Variants in FER observed in about 807,000 individuals in gnomAD.
FER encodes the protein FER tyrosine kinase, also known as tyrosine-protein kinase Fer.
Under a neutral mutation model 111.0 loss-of-function variants are expected in FER, and 63 were observed. That is an observed-to-expected ratio of 0.57 (90% CI 0.46 to 0.70). The LOEUF (loss-of-function observed/expected upper bound fraction) is 0.70, where lower values mean the gene tolerates loss of function less well. Among genes scored for constraint, FER ranks in the 30% least tolerant of loss-of-function variants. The pLI, the probability that FER is intolerant of heterozygous loss-of-function variation, is 0.00. For missense variants in FER, 914 were observed against 954.0 expected, an observed-to-expected ratio of 0.96 and a Z score of 0.55; for synonymous variants, 327 against 313.9, an observed-to-expected ratio of 1.04 and a Z score of -0.44.
intron 10 of FER, among the ~76,000 whole-genome samples, chr5:108,919,551 A>C (rs1204233268): frequency 6.6e-6 from 1 of 152,214 alleles, no homozygotes. Flanking sequence ...ACTTACTAAA[A>C]GAACTAATCC....
intron 2 of FER, among the ~76,000 whole-genome samples, chr5:108,783,572 A>G (rs952203193): frequency 2.0e-5 from 3 of 152,280 alleles, no homozygotes; most frequent in Middle Eastern, 6.8e-3. Context: ...TCTGAGGGCT[A>G]GTTCAACCTT....
rs548382595 is a variant in FER at position 108,993,401 on chromosome 5, T to C, written c.1656+34054T>C. Among the ~76,000 whole-genome samples, 1,317 of 151,518 alleles carry C rather than the reference T, an allele frequency of 8.7e-3. 18 individuals carry two copies. Among genetic ancestry groups the C allele is most frequent in the African/African-American group, 0.031 (1,247 of 40,854 alleles). On this transcript the variant is annotated intron_variant, in intron 13 of 19. Transcript: ENST00000281092. ...AAAAAATACGAAAACCAGTCAGGCG[T>C]GGCCGCGCGCGCCTGCAATCGCAGG...
At chr5:109,063,679 T>C (rs896646161) in intron 16 of FER, among the ~76,000 whole-genome samples, 7 of 152,176 alleles carry the variant, frequency 4.6e-5, no homozygotes, top group Admixed American at 2.0e-4. Context: ...TTTTAAGATA[T>C]AGCAACTCAG....
At chr5:109,096,880 C>G (rs564832635) in intron 16 of FER, among the ~76,000 whole-genome samples, 2 of 150,990 alleles carry the variant, frequency 1.3e-5, no homozygotes, top group Non-Finnish European at 3.0e-5. Flanking sequence ...CTACTACAAC[C>G]CTTTCTCATT....
chr5:108,750,545 G>T (rs1026310018), intron 1 of FER, among the ~76,000 whole-genome samples: 1 of 152,172 alleles, frequency 6.6e-6, no homozygotes, highest in African/African-American at 2.4e-5. Flanking sequence ...TTTCTCTTCT[G>T]CATTGATTGT....
At chr5:108,832,994 C>A in intron 4 of FER, 51 bp downstream of exon 4, 1 of 1,473,952 alleles carries the variant, frequency 6.8e-7, no homozygotes. Context: ...TCCAAATTCA[C>A]AGAAATATTT....
intron 11 of FER, among the ~76,000 whole-genome samples, chr5:108,948,493 A>G (rs1174649544): frequency 6.6e-6 from 1 of 152,116 alleles, no homozygotes; most frequent in Non-Finnish European, 1.5e-5. Context: ...CTACAGTTAC[A>G]TCTAGCATCT....
At chr5:108,981,400 G>T (rs1342836837) in intron 13 of FER, among the ~76,000 whole-genome samples, 28 of 151,736 alleles carry the variant, frequency 1.8e-4, no homozygotes, top group Admixed American at 1.8e-3. Context: ...TATTTAAGGA[G>T]GGTATAAATA....
intron 16 of FER, chr5:109,051,599 G>A: frequency 6.2e-7 from 1 of 1,604,992 alleles, no homozygotes; most frequent in South Asian, 1.1e-5. Context: ...CCATTAACCA[G>A]CTTGTACCCA....
At chr5:108,967,999 C>T (rs569253267) in intron 13 of FER, among the ~76,000 whole-genome samples, 1 of 152,076 alleles carries the variant, frequency 6.6e-6, no homozygotes, top group African/African-American at 2.4e-5. Context: ...GCTGCTATCA[C>T]ATAGATTGTG....
chr5:108,932,125 ACC>A (rs1410863051), intron 10 of FER, among the ~76,000 whole-genome samples: 3 of 152,036 alleles, frequency 2.0e-5, no homozygotes, highest in Non-Finnish European at 4.4e-5. Flanking sequence ...GCACCCATCA[ACC>A]CATCATCTAC....
intron 10 of FER, among the ~76,000 whole-genome samples, chr5:108,936,660 G>A (rs1381133339): frequency 1.3e-5 from 2 of 151,908 alleles, no homozygotes; most frequent in African/African-American, 4.8e-5. Flanking sequence ...AGCCCTGGAG[G>A]TGTTATTTAT....
intron 10 of FER, among the ~76,000 whole-genome samples, chr5:108,917,788 T>G (rs1752457433): frequency 6.6e-6 from 1 of 152,246 alleles, no homozygotes; most frequent in African/African-American, 2.4e-5. Context: ...TCTGGGAGTC[T>G]GAAGATGCCA....
intron 13 of FER, among the ~76,000 whole-genome samples, chr5:108,968,442 T>C (rs1760189281): frequency 6.6e-6 from 1 of 152,114 alleles, no homozygotes; most frequent in Non-Finnish European, 1.5e-5. Context: ...CCTTAAATTC[T>C]AAGGCTGTAT....
intron 10 of FER, among the ~76,000 whole-genome samples, chr5:108,929,361 A>G (rs1276463065): frequency 5.3e-5 from 8 of 152,308 alleles, no homozygotes; most frequent in East Asian, 1.9e-4. Context: ...AGAACAAAGT[A>G]TAAATACTTT....
intron 16 of FER, among the ~76,000 whole-genome samples, chr5:109,076,556 G>A (rs940716252): frequency 3.3e-5 from 5 of 151,922 alleles, no homozygotes; most frequent in African/African-American, 9.7e-5. Context: ...TCCCACCTCA[G>A]CCTCTCAAGT....
At chr5:108,957,744 G>T (rs573999253) in intron 12 of FER, among the ~76,000 whole-genome samples, 1 of 151,480 alleles carries the variant, frequency 6.6e-6, no homozygotes, top group Non-Finnish European at 1.5e-5. Context: ...TTTGACAATT[G>T]AATGTGTGCC....
chr5:109,166,299 C>T (rs958873340), intron 17 of FER, among the ~76,000 whole-genome samples: 3 of 151,858 alleles, frequency 2.0e-5, no homozygotes, highest in African/African-American at 2.4e-5. Context: ...CATAACAAGC[C>T]GGTTAAAATG....
At chr5:109,065,402 G>T (rs1774959837) in intron 16 of FER, among the ~76,000 whole-genome samples, 1 of 152,094 alleles carries the variant, frequency 6.6e-6, no homozygotes, top group Non-Finnish European at 1.5e-5. Context: ...CCATGATCTG[G>T]TCAGCATTAG....
Sources: gnomAD v4.1 joint callset for allele counts (sites outside exome capture counted in the v4.1 genomes callset) on GRCh38, gnomAD v4.1.1 for gene constraint, MANE v1.5 for transcripts, NCBI Gene and HGNC (gene_info 2026-07-23, HGNC 2026-07-21) for gene names.